ZNF518A: variants seen among roughly 807,000 people sequenced by gnomAD.
ZNF518A encodes zinc finger protein 518.
Under a neutral mutation model 102.7 loss-of-function variants are expected in ZNF518A, and 47 were observed. The observed-to-expected ratio is 0.46, with a 90% CI of 0.36 to 0.58. The LOEUF (loss-of-function observed/expected upper bound fraction) is 0.58, where lower values mean the gene tolerates loss of function less well. Ranked by LOEUF, ZNF518A falls within the 20% of genes least tolerant of loss-of-function variation. The probability of loss-of-function intolerance (pLI) is 0.00; values close to 1 mark genes in which losing one functional copy is unlikely to be tolerated. For missense variants in ZNF518A, 1,793 were observed against 1,699.8 expected (o/e 1.05, Z -0.96); for synonymous variants, 652 against 594.6 (o/e 1.10, Z -1.40).
chr10:96,137,117 C>T (rs2081635284), intron 3 of ZNF518A, among the ~76,000 whole-genome samples: 1 of 152,244 alleles, frequency 6.6e-6, no homozygotes, highest in Non-Finnish European at 1.5e-5. Flanking sequence ...CACCTGCTAG[C>T]ATCTTTATTT....
chr10:96,203,832 C>A, intron 2 of ZNF518A: 1 of 392,410 alleles, frequency 2.5e-6, no homozygotes, highest in Non-Finnish European at 4.6e-6. Context: ...AATATTAAAT[C>A]GCTACTAAAA....
At chr10:96,143,871 C>G (rs148191825) in intron 3 of ZNF518A, among the ~76,000 whole-genome samples, 2,019 of 152,276 alleles carry the variant, frequency 0.013, 25 homozygotes, top group Non-Finnish European at 0.021. Flanking sequence ...GGAGGATATC[C>G]TTCTGCAGAT....
rs934162073 is a variant in ZNF518A at position 96,161,030 on chromosome 10, G to A, written c.*256G>A. 19 of 353,848 alleles carry A rather than the reference G, an allele frequency of 5.4e-5. No homozygotes were observed. The highest frequency in any genetic ancestry group is 1.6e-3 in the Middle Eastern group (2 of 1,264). 21.9% of individuals were successfully genotyped at this position (353,848 alleles called of 1,614,324 possible). A position where few individuals can be genotyped will look rare whatever the true frequency, so the allele number is the denominator to read the frequency against. On this transcript the variant is annotated 3_prime_UTR_variant, in exon 6 of 6. Coordinates refer to ENST00000316045, the MANE Select transcript of ZNF518A (RefSeq NM_001330736.2). ...GATTTAATTTTTTAAACGTGTTCTC[G>A]GGAAGTTAGGGCTAAAGAAAATTTT...
intron 1 of ZNF518A, among the ~76,000 whole-genome samples, chr10:96,174,878 G>T (rs1273437357): frequency 2.0e-5 from 3 of 152,114 alleles, no homozygotes; most frequent in Non-Finnish European, 4.4e-5. Context: ...AGGATGTGGG[G>T]CCTTAGGGAG....
rs2082976258 is a variant in ZNF518A at position 96,160,956 on chromosome 10, C to G, written c.*182C>G. Reference sequence around the variant, plus strand: ...TGTATGATATTTGAAAATGCTATCCCTGCACTCAAAAGTTTTGAAAGAAAC... The same window carrying G: ...TGTATGATATTTGAAAATGCTATCCGTGCACTCAAAAGTTTTGAAAGAAAC... On this transcript the variant is annotated 3_prime_UTR_variant, in exon 6 of 6. Coordinates refer to ENST00000316045, the MANE Select transcript of ZNF518A (RefSeq NM_001330736.2). 4 of 594,718 alleles carry G rather than the reference C, an allele frequency of 6.7e-6. No homozygotes were observed. Among genetic ancestry groups the G allele is most frequent in the Non-Finnish European group, 1.1e-5 (4 of 378,244 alleles). 36.8% of individuals were successfully genotyped at this position (594,718 alleles called of 1,614,324 possible).
Position 96,157,411 on chromosome 10 carries a change from T to A in ZNF518A, c.1089T>A (p.His363Gln). ...KTQTKSEDQS[H>Q]VVQEHLSEEK... ...AGACTAAATCTGAAGACCAGAGCCA[T>A]GTTGTTCAAGAGCATTTAAGTGAAG... The change falls in exon 6 of 6, where the codon CAT becomes CAA. Residue 363 changes from histidine to glutamine, a missense_variant. His to Gln is a conservative substitution (Grantham distance 24). Transcript: ENST00000316045. 6.2e-7 allele frequency: 1 copy of A among 1,613,114 alleles called. No individual in the cohort carries two copies. The highest frequency in any genetic ancestry group is 8.5e-7 in the Non-Finnish European group (1 of 1,179,502).
intron 2 of ZNF518A, among the ~76,000 whole-genome samples, chr10:96,133,233 A>T (rs782306966): frequency 6.6e-6 from 1 of 152,192 alleles, no homozygotes; most frequent in Non-Finnish European, 1.5e-5. Context: ...TGGTAGATAG[A>T]TGTTTCAAAG....
At chr10:96,168,732 C>T (rs1299475794), downstream of ZNF518A, among the ~76,000 whole-genome samples, 1 of 152,110 alleles carries the variant, frequency 6.6e-6, no homozygotes. Context: ...TGTTAATTCT[C>T]CTGAGGACCT....
rs1317451365 is a variant in ZNF518A, at chr10:96,162,134, T to G, written c.*1360T>G. On this transcript the variant is annotated 3_prime_UTR_variant, in exon 6 of 6. Transcript: ENST00000316045. ...CATTAATGGATGAAAACTTCAGGGC[T>G]TCTTTTCTGTATATAACAAATTAAG... is the stretch of plus-strand genomic sequence containing the variant. The G allele has an allele frequency of 6.0e-6, 1 of 166,478 alleles. No individual in the cohort carries two copies. The highest frequency in any genetic ancestry group is 2.4e-5 in the African/African-American group (1 of 41,416). The allele number at this position is 166,478 out of a possible 1,614,324, so 10.3% of individuals were successfully genotyped here.
At chr10:96,180,486 C>G (rs1402330473) in intron 1 of ZNF518A, among the ~76,000 whole-genome samples, 3 of 151,364 alleles carry the variant, frequency 2.0e-5, no homozygotes, top group African/African-American at 7.3e-5. Flanking sequence ...CTAATGCTAT[C>G]CCTCCCTCCT....
chr10:96,186,851 A>C (rs1448338013), intron 1 of ZNF518A, among the ~76,000 whole-genome samples: 1 of 152,212 alleles, frequency 6.6e-6, no homozygotes, highest in Non-Finnish European at 1.5e-5. Flanking sequence ...CTTCTCGTCT[A>C]ATGGAGGAGT....
intron 1 of ZNF518A, among the ~76,000 whole-genome samples, chr10:96,182,549 G>T (rs1019167506): frequency 2.0e-5 from 3 of 152,164 alleles, no homozygotes; most frequent in Non-Finnish European, 4.4e-5. Context: ...GAAGGCTGTT[G>T]AATTTTGTTG....
chr10:96,181,120 T>A (rs1480762443), intron 1 of ZNF518A, among the ~76,000 whole-genome samples: 1 of 152,260 alleles, frequency 6.6e-6, no homozygotes, highest in Non-Finnish European at 1.5e-5. Context: ...TTTTCATGTG[T>A]CTGTTGGCTG....
At chr10:96,138,919 A>G (rs1554875483) in intron 3 of ZNF518A, among the ~76,000 whole-genome samples, 1 of 152,052 alleles carries the variant, frequency 6.6e-6, no homozygotes, top group African/African-American at 2.4e-5. Context: ...AAAGAAATAG[A>G]AAAGGATAAA....
intron 2 of ZNF518A, 100 bp downstream of exon 2, chr10:96,132,770 C>T (rs1354065070): frequency 6.6e-6 from 1 of 151,974 alleles, no homozygotes; most frequent in Non-Finnish European, 1.5e-5. Flanking sequence ...GGTTAAGTAT[C>T]CCAAATCCAA....
In ZNF518A at chr10:96,160,005, C is replaced by A. The variant is rs782653503; in HGVS notation, c.3683C>A (p.Ser1228Ter). 6.2e-7 allele frequency: 1 copy of A among 1,613,472 alleles called. No homozygotes were observed. The highest frequency in any genetic ancestry group is 8.5e-7 in the Non-Finnish European group (1 of 1,179,668). The change falls in exon 6 of 6, where the codon TCA (serine) becomes TAA (stop). Residue 1228 changes from serine to a stop codon, truncating the protein, a stop_gained. Transcript: ENST00000316045. LOFTEE classifies it high-confidence loss of function. ...GAACCAATATGTGTCAGTGACTGTT[C>A]AGAGTCCAGGGTATTAAGGTGTAAA... Reference protein sequence around the residue: ...SEEPICVSDCSESRVLRCKTN... With the variant: ...SEEPICVSDC
chr10:96,134,093 T>C (rs2081477332), intron 3 of ZNF518A, among the ~76,000 whole-genome samples: 1 of 152,202 alleles, frequency 6.6e-6, no homozygotes. Flanking sequence ...ACTTTTTGAG[T>C]GCTGACATGA....
downstream of ZNF518A, among the ~76,000 whole-genome samples, chr10:96,166,462 C>T (rs1554890364): frequency 6.6e-6 from 1 of 152,060 alleles, no homozygotes; most frequent in African/African-American, 2.4e-5. Flanking sequence ...AATAGATAAC[C>T]AGAAGCTTAA....
chr10:96,173,288 C>T (rs1165461694), intron 1 of ZNF518A, among the ~76,000 whole-genome samples: 2 of 151,362 alleles, frequency 1.3e-5, no homozygotes, highest in Non-Finnish European at 1.5e-5. Flanking sequence ...AACCCCTGAC[C>T]AAGAGAGCTG....
Sources: gnomAD v4.1 joint callset for allele counts (sites outside exome capture counted in the v4.1 genomes callset) on GRCh38, gnomAD v4.1.1 for gene constraint, MANE v1.5 for transcripts, NCBI Gene and HGNC (gene_info 2026-07-23, HGNC 2026-07-21) for gene names.